Variants in ZNF469 observed in about 807,000 individuals in gnomAD.
ZNF469 encodes the protein zinc finger protein 469.
A neutral mutation model predicts 1.0 loss-of-function variants in ZNF469; 1 was observed. The observed-to-expected ratio is 1.00, with a 90% CI of 0.35 to 4.73. The LOEUF (loss-of-function observed/expected upper bound fraction) is 4.73. ZNF469 is among the 30% of genes most tolerant of loss of function. The probability of loss-of-function intolerance (pLI) is 0.16; values close to 1 mark genes in which losing one functional copy is unlikely to be tolerated. For missense variants in ZNF469, 6,100 were observed against 5,356.3 expected (o/e 1.14, Z -4.33); for synonymous variants, 2,703 against 2,363.4 (o/e 1.14, Z -4.17).
chr16:88,411,534 G>T (rs1905167611), intron 1 of ZNF469, among the ~76,000 whole-genome samples: 1 of 131,290 alleles, frequency 7.6e-6, no homozygotes, highest in African/African-American at 2.8e-5. Context: ...GCGGGCAGGG[G>T]TGGGTGTGAG....
At position 88,429,026 on chromosome 16, in the gene ZNF469, G is replaced by A. The variant is rs1013774844; in HGVS notation, c.1556G>A (p.Gly519Glu). The A allele has an allele frequency of 6.5e-7, 1 of 1,549,460 alleles. No homozygotes were observed. The highest frequency in any genetic ancestry group is 2.0e-5 in the Admixed American group (1 of 51,002). ...CCCGAGTGGCAGGGGGGCAGCCAAG[G>A]AGCCCTGGGCACTGCTGGCAAGACA... is the stretch of plus-strand genomic sequence containing the variant. ...GGPEWQGGSQ[G>E]ALGTAGKTPG... The change falls in exon 3 of 3, where the codon GGA (glycine) becomes GAA (glutamate). Residue 519 changes from glycine to glutamate, a missense_variant. Transcript: ENST00000565624.
At chr16:88,201,419 G>T in the ZNF469 span, among the ~76,000 whole-genome samples, 1 of 152,146 alleles carries the variant, frequency 6.6e-6, no homozygotes, top group African/African-American at 2.4e-5. This position sits in a 1 kb window ranked among gnomAD's most constrained non-coding sequence, Gnocchi z 5.0. Flanking sequence ...GCCGGGCGTG[G>T]TGGTAGGCAC....
chr16:88,105,158 C>T, the ZNF469 span, among the ~76,000 whole-genome samples: 13 of 152,174 alleles, frequency 8.5e-5, no homozygotes, highest in Admixed American at 6.5e-5. Context: ...AAGGTCAAGG[C>T]TGCAGTGAGA....
At chr16:88,315,638 G>A in the ZNF469 span, among the ~76,000 whole-genome samples, 5 of 152,212 alleles carry the variant, frequency 3.3e-5, no homozygotes, top group Non-Finnish European at 7.4e-5. Flanking sequence ...TCCTAGTCCA[G>A]GGCTGGGGAA....
At chr16:88,402,073 TA>T (rs1904897109) in intron 1 of ZNF469, among the ~76,000 whole-genome samples, 1 of 138,360 alleles carries the variant, frequency 7.2e-6, no homozygotes, top group African/African-American at 3.1e-5. Context: ...GATGGATGGA[TA>T]GATGGTAGAT....
At chr16:88,336,671 G>A in the ZNF469 span, among the ~76,000 whole-genome samples, 12 of 149,604 alleles carry the variant, frequency 8.0e-5, no homozygotes, top group Middle Eastern at 3.7e-3. Context: ...GTGAGACACC[G>A]ACATGCCAAT....
chr16:88,157,097 G>A, the ZNF469 span, among the ~76,000 whole-genome samples: 345 of 152,300 alleles, frequency 2.3e-3, no homozygotes, highest in Non-Finnish European at 3.8e-3. Flanking sequence ...CCCCTCTGCA[G>A]GGCTCCTGTG....
the ZNF469 span, among the ~76,000 whole-genome samples, chr16:88,370,186 C>T: frequency 6.6e-6 from 1 of 152,176 alleles, no homozygotes; most frequent in Non-Finnish European, 1.5e-5. Flanking sequence ...TCTCTTATAA[C>T]CAGCTTTTTA....
the ZNF469 span, among the ~76,000 whole-genome samples, chr16:88,258,424 C>T: frequency 1.4e-5 from 2 of 138,138 alleles, no homozygotes; most frequent in Admixed American, 1.4e-4. Flanking sequence ...CCCCCCACCC[C>T]CCCAGCTTAC....
At chr16:88,243,846 G>T in the ZNF469 span, among the ~76,000 whole-genome samples, 2 of 147,150 alleles carry the variant, frequency 1.4e-5, no homozygotes, top group African/African-American at 5.0e-5. Flanking sequence ...ATGGATGGGT[G>T]CATGGATGGA....
the ZNF469 span, among the ~76,000 whole-genome samples, chr16:88,295,653 C>T: frequency 5.3e-5 from 8 of 152,256 alleles, no homozygotes; most frequent in East Asian, 3.9e-4. Flanking sequence ...ATTGATACTA[C>T]GGCCTACACT....
rs866656179 is a variant in ZNF469, at chr16:88,436,502, C to T, written c.9032C>T (p.Ser3011Phe). ...CCGGCCCCTGCCGATGACTCCTCCTCTTCTCTCGGAGATGTGAGCCCCGAG... is the reference window on the plus strand; with the variant it reads ...CCGGCCCCTGCCGATGACTCCTCCTTTTCTCTCGGAGATGTGAGCCCCGAG... Reference protein sequence around the residue: ...EMPAPADDSSSSLGDVSPEPP... With the variant: ...EMPAPADDSSFSLGDVSPEPP... The change falls in exon 3 of 3, where the codon TCT (serine) becomes TTT (phenylalanine). Residue 3011 changes from serine (S) to phenylalanine (F), a missense_variant. By Grantham distance (155) the Ser-to-Phe change is radical. Transcript: ENST00000565624. 36 of 1,548,358 alleles carry T rather than the reference C, an allele frequency of 2.3e-5. No individual in the cohort carries two copies. The highest frequency in any genetic ancestry group is 3.3e-4 in the Middle Eastern group (2 of 6,014).
Position 88,432,003 on chromosome 16 carries a change from G to T in ZNF469, c.4533G>T (p.Leu1511=). ...FLLLEEVSPM[L]PSHFPDLSGG... is the part of the protein sequence containing the mutation. ...TGCTTGAGGAAGTATCCCCGATGCT[G>T]CCTAGCCATTTTCCTGATCTCTCGG... is the stretch of plus-strand genomic sequence containing the variant. The change falls in exon 3 of 3, where the codon CTG becomes CTT. Residue 1511 remains leucine (L), a synonymous_variant. Coordinates refer to ENST00000565624, the MANE Select transcript of ZNF469 (RefSeq NM_001367624.2). 1 of 1,549,908 alleles carries T rather than the reference G, an allele frequency of 6.5e-7. No individual in the cohort carries two copies. The highest frequency in any genetic ancestry group is 2.4e-5 in the East Asian group (1 of 40,900).
chr16:88,130,824 C>T, the ZNF469 span, among the ~76,000 whole-genome samples: 1 of 152,090 alleles, frequency 6.6e-6, no homozygotes, highest in African/African-American at 2.4e-5. Context: ...CTGGTCTCAG[C>T]GCAGCACCGG....
the ZNF469 span, among the ~76,000 whole-genome samples, chr16:88,267,844 C>G: frequency 2.0e-5 from 3 of 152,150 alleles, no homozygotes; most frequent in African/African-American, 7.2e-5. Context: ...TCACTTCACT[C>G]ACATAGATTC....
chr16:88,385,898 T>C (rs12448216), intron 1 of ZNF469, among the ~76,000 whole-genome samples: 10,287 of 152,234 alleles, frequency 0.068, 425 homozygotes, highest in African/African-American at 0.11. Context: ...ACACTGCAAG[T>C]ACTTGGTAGG....
the ZNF469 span, among the ~76,000 whole-genome samples, chr16:88,220,729 T>A: frequency 3.3e-5 from 5 of 152,062 alleles, no homozygotes; most frequent in Non-Finnish European, 5.9e-5. Flanking sequence ...AGTCTGTGGT[T>A]CCAGGGCCTG....
At chr16:88,418,546 G>GC (rs919336529) in intron 1 of ZNF469, among the ~76,000 whole-genome samples, 13 of 124,148 alleles carry the variant, frequency 1.0e-4, no homozygotes, top group Middle Eastern at 3.5e-3. Context: ...AATCCCCACC[G>GC]CCCCCCCGGC....
Position 88,429,599 on chromosome 16 carries a change from CT to C in ZNF469, c.2130del (p.Pro711ArgfsTer21). On this transcript the variant is annotated frameshift_variant, in exon 3 of 3. Coordinates refer to ENST00000565624, the MANE Select transcript of ZNF469 (RefSeq NM_001367624.2). LOFTEE classifies it low-confidence loss of function (END_TRUNC). ...CTGCAGGGCTTCCCCCGTGCGCCGC[CT>C]CCGTACCCCACACACCACTTCTCCC... ...GGLQGFPRAP[P>X]PYPTHHFSLS... The C allele has an allele frequency of 6.5e-7, 1 of 1,549,194 alleles. No individual in the cohort carries two copies. The highest frequency in any genetic ancestry group is 8.7e-7 in the Non-Finnish European group (1 of 1,146,354).
Sources: gnomAD v4.1 joint callset for allele counts (sites outside exome capture counted in the v4.1 genomes callset) on GRCh38, gnomAD v4.1.1 for gene constraint, Gnocchi (gnomAD v3.1) non-coding constraint, MANE v1.5 for transcripts, NCBI Gene and HGNC (gene_info 2026-07-23, HGNC 2026-07-21) for gene names.